The following GTF2E2 variants were observed in gnomAD, a reference collection of about 807,000 sequenced individuals.
The protein encoded by GTF2E2 is general transcription factor IIE subunit 2.
In GTF2E2, 21 loss-of-function variants were observed where a neutral mutation model predicts 40.5. That is an observed-to-expected ratio of 0.52 (90% CI 0.37 to 0.75). GTF2E2 has a LOEUF of 0.75. Ranked by LOEUF, GTF2E2 falls within the 30% of genes least tolerant of loss-of-function variation. The probability of loss-of-function intolerance (pLI) is 0.00; values close to 1 mark genes in which losing one functional copy is unlikely to be tolerated. For missense variants in GTF2E2, 298 were observed against 338.4 expected (o/e 0.88, Z 0.94); for synonymous variants, 117 against 121.6 (o/e 0.96, Z 0.25).
At chr8:30,654,460 T>C (rs1007853763) in intron 1 of GTF2E2, among the ~76,000 whole-genome samples, 2 of 152,072 alleles carry the variant, frequency 1.3e-5, no homozygotes, top group Admixed American at 1.3e-4. Context: ...TGGAGTACAG[T>C]GGTGTGATCA....
At chr8:30,608,978 T>C (rs1344756103) in intron 5 of GTF2E2, among the ~76,000 whole-genome samples, 1 of 151,988 alleles carries the variant, frequency 6.6e-6, no homozygotes, top group Non-Finnish European at 1.5e-5. Flanking sequence ...CTCAATCTCC[T>C]GACCTCGTGA....
Position 30,609,128 on chromosome 8 carries a change from C to T in GTF2E2, c.550-1978G>A, listed in dbSNP as rs535261691. Among the ~76,000 whole-genome samples the T allele has an allele frequency of 1.5e-4, 23 of 151,848 alleles. No individual in the cohort carries two copies. In the South Asian group the frequency reaches 3.7e-3, roughly 25 times the overall value. On this transcript the variant is annotated intron_variant, in intron 5 of 7. Transcript: ENST00000355904. ...TAAAAATAGAAAAATTAGCTGAACA[C>T]GGTGGCAGGTGTCTGTAATCCCAGC... is the stretch of plus-strand genomic sequence containing the variant.
intron 6 of GTF2E2, among the ~76,000 whole-genome samples, chr8:30,595,445 C>T (rs958239136): frequency 6.6e-6 from 1 of 152,194 alleles, no homozygotes; most frequent in African/African-American, 2.4e-5. Flanking sequence ...TCCTGAACAA[C>T]TTCCTTTAAT....
At chr8:30,591,781 C>A (rs1013185601) in intron 6 of GTF2E2, among the ~76,000 whole-genome samples, 3 of 152,072 alleles carry the variant, frequency 2.0e-5, no homozygotes, top group African/African-American at 7.2e-5. Flanking sequence ...TAGGTATATA[C>A]CTAAGAGAAA....
chr8:30,621,715 C>T (rs780522232), intron 3 of GTF2E2, among the ~76,000 whole-genome samples: 27 of 151,886 alleles, frequency 1.8e-4, no homozygotes, highest in Admixed American at 1.1e-3. Context: ...ACTGAATATA[C>T]CTATTAATTC....
In GTF2E2 at chr8:30,582,913, C is replaced by A. The variant is rs748545379; in HGVS notation, c.644-2517G>T. On this transcript the variant is annotated intron_variant, in intron 6 of 7. Coordinates refer to ENST00000355904, the MANE Select transcript of GTF2E2 (RefSeq NM_002095.6). Reference sequence around the variant, plus strand: ...AGATATTTTCAGACTATATAAATACCGTTTCTCATATTATCACTAATTTTA... The same window carrying A: ...AGATATTTTCAGACTATATAAATACAGTTTCTCATATTATCACTAATTTTA... 5.9e-5 allele frequency among the ~76,000 whole-genome samples: 9 copies of A among 152,220 alleles called. No individual in the cohort carries two copies. The East Asian group carries it at 7.7e-4, about 13-fold the overall frequency.
intron 5 of GTF2E2, among the ~76,000 whole-genome samples, chr8:30,608,063 T>C (rs1489402558): frequency 6.6e-6 from 1 of 152,206 alleles, no homozygotes; most frequent in African/African-American, 2.4e-5. Context: ...AAAAAAAATT[T>C]TGTATTTTCT....
chr8:30,580,733 C>T (rs775444416), intron 6 of GTF2E2, among the ~76,000 whole-genome samples: 2 of 152,176 alleles, frequency 1.3e-5, no homozygotes, highest in Non-Finnish European at 2.9e-5. Context: ...GCTCAGCTCC[C>T]CTAAGCATGA....
chr8:30,653,057 G>A (rs1802336544), intron 2 of GTF2E2, among the ~76,000 whole-genome samples: 2 of 152,170 alleles, frequency 1.3e-5, no homozygotes, highest in Non-Finnish European at 2.9e-5. Context: ...GGCAGGGATG[G>A]GAAAAGTCAC....
At chr8:30,580,844 G>T (rs1828496759) in intron 6 of GTF2E2, among the ~76,000 whole-genome samples, 1 of 151,966 alleles carries the variant, frequency 6.6e-6, no homozygotes, top group Non-Finnish European at 1.5e-5. Context: ...CAATTTATCT[G>T]CAAAAAAGAC....
At chr8:30,645,161 G>A (rs1188174010) in intron 2 of GTF2E2, 38 of 857,878 alleles carry the variant, frequency 4.4e-5, no homozygotes, top group Non-Finnish European at 6.6e-5. Flanking sequence ...CTACCATTTA[G>A]GCATTAATTA....
intron 3 of GTF2E2, among the ~76,000 whole-genome samples, chr8:30,633,973 T>G (rs1224307949): frequency 6.6e-6 from 1 of 152,240 alleles, no homozygotes; most frequent in Non-Finnish European, 1.5e-5. Context: ...GTTAAAAATC[T>G]GATTTATATT....
In GTF2E2 at chr8:30,607,165, A is replaced by T. The variant is rs776812101; in HGVS notation, c.550-15T>A. 9.4e-7 allele frequency: 1 copy of T among 1,068,548 alleles called. No individual in the cohort carries two copies. Among genetic ancestry groups the T allele is most frequent in the Non-Finnish European group, 1.4e-6 (1 of 723,990 alleles). The allele number at this position is 1,068,548 out of a possible 1,614,324, so 66.2% of individuals were successfully genotyped here. ...TCCCCCAAAGCCTTAAAGATAGATA[A>T]AATAAAGATTTTTCAGTTAACTCCA... On this transcript the variant is annotated splice_polypyrimidine_tract_variant and intron_variant, in intron 5 of 7. Coordinates refer to ENST00000355904, the MANE Select transcript of GTF2E2 (RefSeq NM_002095.6).
chr8:30,639,751 T>C (rs1246212170), intron 2 of GTF2E2, among the ~76,000 whole-genome samples: 1 of 152,074 alleles, frequency 6.6e-6, no homozygotes, highest in Non-Finnish European at 1.5e-5. Flanking sequence ...GTTTATTTAA[T>C]CTTTAAAGGG....
At position 30,646,515 on chromosome 8, in the gene GTF2E2, C is replaced by A. The variant is rs145141786; in HGVS notation, c.166+6918G>T. 5.4e-3 allele frequency among the ~76,000 whole-genome samples: 829 copies of A among 152,316 alleles called. 10 individuals carry two copies. Among genetic ancestry groups the A allele is most frequent in the African/African-American group, 0.018 (737 of 41,560 alleles). On this transcript the variant is annotated intron_variant, in intron 2 of 7. Coordinates refer to ENST00000355904, the MANE Select transcript of GTF2E2 (RefSeq NM_002095.6). ...AACAAAAGCATGCTCTTAACCACCA[C>A]ACTACCCCTAAGTCAGAAATGCCAC...
intron 3 of GTF2E2, among the ~76,000 whole-genome samples, chr8:30,632,862 G>A (rs1801482181): frequency 6.6e-6 from 1 of 152,072 alleles, no homozygotes; most frequent in African/African-American, 2.4e-5. Context: ...ATATAACTTG[G>A]AAGATTCTGA....
intron 6 of GTF2E2, among the ~76,000 whole-genome samples, chr8:30,590,385 G>A (rs1585938584): frequency 6.6e-6 from 1 of 152,234 alleles, no homozygotes; most frequent in African/African-American, 2.4e-5. Flanking sequence ...TATGAAGAAA[G>A]CCAGTATAAA....
rs189740453 is a variant in GTF2E2 at position 30,616,296 on chromosome 8, C to T, written c.259-1581G>A. Reference sequence around the variant, plus strand: ...ACTAAAATACAAAAAATTAGCCAGGCGTGGTAGCGGGTGCCTGTAGTCTCA... The same window carrying T: ...ACTAAAATACAAAAAATTAGCCAGGTGTGGTAGCGGGTGCCTGTAGTCTCA... On this transcript the variant is annotated intron_variant, in intron 3 of 7. Transcript: ENST00000355904. 2.6e-4 allele frequency among the ~76,000 whole-genome samples: 40 copies of T among 152,042 alleles called. No individual in the cohort carries two copies. The East Asian group carries it at 7.5e-3, about 29-fold the overall frequency.
intron 3 of GTF2E2, among the ~76,000 whole-genome samples, chr8:30,623,244 A>G (rs1801166211): frequency 6.6e-6 from 1 of 152,058 alleles, no homozygotes; most frequent in Non-Finnish European, 1.5e-5. Flanking sequence ...ACTTCCCGCA[A>G]CACAAGTGTT....
Sources: gnomAD v4.1 joint callset for allele counts (sites outside exome capture counted in the v4.1 genomes callset) on GRCh38, gnomAD v4.1.1 for gene constraint, MANE v1.5 for transcripts, NCBI Gene and HGNC (gene_info 2026-07-23, HGNC 2026-07-21) for gene names.